Variants in ADAMTSL3 observed in about 807,000 individuals in gnomAD.
ADAMTSL3 encodes the protein ADAMTS like 3, also known as ADAMTS-like protein 3.
ADAMTSL3 carries 128 observed loss-of-function variants against 201.7 expected under a neutral mutation model. The observed-to-expected ratio is 0.63, with a 90% confidence interval of 0.55 to 0.73. The LOEUF is 0.73. Among genes scored for constraint, ADAMTSL3 ranks in the 30% least tolerant of loss-of-function variants. ADAMTSL3 has a pLI of 0.00. For missense variants in ADAMTSL3, 1,990 were observed against 2,119.6 expected (o/e 0.94, Z 1.20); for synonymous variants, 738 against 748.4 (o/e 0.99, Z 0.23).
In ADAMTSL3 at chr15:83,773,572, C is replaced by A; in HGVS notation, c.239C>A (p.Ala80Asp). The A allele has an allele frequency of 6.2e-7, 1 of 1,613,888 alleles. No homozygotes were observed. The highest frequency in any genetic ancestry group is 2.2e-5 in the East Asian group (1 of 44,870). ...SDEDKDGNWD[A>D]WGDWSDCSRT... ...GAAGACAAAGATGGCAACTGGGATG[C>A]TTGGGGCGACTGGAGTGACTGCTCC... Residue 80 changes from alanine to aspartate, a missense_variant, in exon 4 of 30, where the codon GCT (alanine) becomes GAT (aspartate). Ala to Asp is a moderately radical substitution (Grantham distance 126, BLOSUM62 -2). Coordinates refer to ENST00000286744, the MANE Select transcript of ADAMTSL3 (RefSeq NM_207517.3).
At chr15:83,885,580 G>A (rs1360499532) in intron 10 of ADAMTSL3, among the ~76,000 whole-genome samples, 2 of 152,102 alleles carry the variant, frequency 1.3e-5, no homozygotes, top group Non-Finnish European at 2.9e-5. Flanking sequence ...GGAGTGACTT[G>A]CCCAGCCTGG....
chr15:83,688,380 A>T (rs1596028288), intron 2 of ADAMTSL3, among the ~76,000 whole-genome samples: 1 of 152,256 alleles, frequency 6.6e-6, no homozygotes, highest in Admixed American at 6.5e-5. Context: ...AGCCGTTAAT[A>T]AAAACTGTCT....
chr15:83,693,463 G>A (rs1032053341), intron 2 of ADAMTSL3, among the ~76,000 whole-genome samples: 1 of 152,142 alleles, frequency 6.6e-6, no homozygotes, highest in African/African-American at 2.4e-5. Context: ...TACTGCCTTG[G>A]GTAGAGGCAG....
intron 15 of ADAMTSL3, among the ~76,000 whole-genome samples, chr15:83,912,613 C>G (rs2065953430): frequency 6.6e-6 from 1 of 152,164 alleles, no homozygotes; most frequent in Non-Finnish European, 1.5e-5. Context: ...TTCATCCACT[C>G]TGTAGAAAGT....
intron 3 of ADAMTSL3, among the ~76,000 whole-genome samples, chr15:83,733,701 A>C (rs2062321363): frequency 6.6e-6 from 1 of 151,950 alleles, no homozygotes; most frequent in Non-Finnish European, 1.5e-5. Context: ...AATGGTGCTG[A>C]TTAAATTTAC....
At chr15:83,709,081 G>A (rs986859905) in intron 3 of ADAMTSL3, among the ~76,000 whole-genome samples, 3 of 152,024 alleles carry the variant, frequency 2.0e-5, no homozygotes, top group African/African-American at 7.2e-5. Context: ...TAGAGCTTTG[G>A]GGATCTTAAT....
chr15:83,657,930 G>T (rs561844045), intron 2 of ADAMTSL3, among the ~76,000 whole-genome samples: 1 of 152,164 alleles, frequency 6.6e-6, no homozygotes, highest in Non-Finnish European at 1.5e-5. Flanking sequence ...ACTCAAGGCC[G>T]CCCTTTCTGA....
At chr15:83,951,323 G>T (rs1317160690) in intron 19 of ADAMTSL3, among the ~76,000 whole-genome samples, 1 of 152,080 alleles carries the variant, frequency 6.6e-6, no homozygotes, top group Admixed American at 6.5e-5. Flanking sequence ...TACATTGATT[G>T]ATTTGCATGT....
At chr15:83,778,931 A>C (rs537068758) in intron 4 of ADAMTSL3, among the ~76,000 whole-genome samples, 1 of 152,330 alleles carries the variant, frequency 6.6e-6, no homozygotes, top group South Asian at 2.1e-4. Flanking sequence ...AAATCTACCA[A>C]AAAAATGGAA....
chr15:83,854,627 C>T (rs908625372), intron 7 of ADAMTSL3, among the ~76,000 whole-genome samples: 2 of 152,198 alleles, frequency 1.3e-5, no homozygotes, highest in African/African-American at 4.8e-5. Flanking sequence ...CAGTCTTTCA[C>T]ACAATGGCTT....
At chr15:83,860,382 T>A (rs2064829631) in intron 8 of ADAMTSL3, among the ~76,000 whole-genome samples, 1 of 152,150 alleles carries the variant, frequency 6.6e-6, no homozygotes, top group Admixed American at 6.5e-5. Context: ...CATGTAGGGG[T>A]CCCTGAAGGC....
chr15:83,930,888 A>T (rs1480490758), intron 17 of ADAMTSL3, among the ~76,000 whole-genome samples: 1 of 152,214 alleles, frequency 6.6e-6, no homozygotes, highest in South Asian at 2.1e-4. Flanking sequence ...ATATTTACTG[A>T]CTCCAAGGGC....
Position 83,804,675 on chromosome 15 carries a change from T to A in ADAMTSL3, c.343T>A (p.Tyr115Asn). 1 of 1,587,812 alleles carries A rather than the reference T, an allele frequency of 6.3e-7. No homozygotes were observed. Among genetic ancestry groups the A allele is most frequent in the Non-Finnish European group, 8.6e-7 (1 of 1,168,480 alleles). ...GRNCEGQNIR[Y>N]KTCSNHDCPP... ...GAATTGTGAAGGGCAGAACATTCGG[T>A]ACAAGACATGCAGCAATCATGTAAG... The change falls in exon 5 of 30, where the codon TAC becomes AAC. Residue 115 changes from tyrosine to asparagine, a missense_variant. By Grantham distance (143) the Tyr-to-Asn change is moderately radical (BLOSUM62 -2). Transcript: ENST00000286744.
At chr15:83,822,814 A>G (rs1041934438) in intron 6 of ADAMTSL3, among the ~76,000 whole-genome samples, 19 of 151,688 alleles carry the variant, frequency 1.3e-4, no homozygotes, top group Non-Finnish European at 2.5e-4. Flanking sequence ...AGAGGCTGCA[A>G]TCTCGGCACT....
chr15:83,858,715 T>C (rs2064792884), intron 7 of ADAMTSL3, 51 bp from the exon 8 acceptor site: 1 of 1,413,828 alleles, frequency 7.1e-7, no homozygotes, highest in Non-Finnish European at 9.8e-7. Context: ...CTCATTTTCA[T>C]GGGCCTTTAG....
rs143133425 is a variant in ADAMTSL3, at chr15:83,655,826, C to G, written c.65C>G (p.Pro22Arg). ...ATGGTCTTCATGCACTCTCCCCTCCCGCAGGTAAGGTCATATAGGGAGGGG... is the reference window on the plus strand; with the variant it reads ...ATGGTCTTCATGCACTCTCCCCTCCGGCAGGTAAGGTCATATAGGGAGGGG... The part of the protein sequence containing the change: ...IGMVFMHSPL[P>R]QTTAEKSPGA... The change falls in exon 2 of 30, where the codon CCG becomes CGG. Residue 22 changes from proline (P) to arginine (R), a missense_variant. Physicochemically the swap from Pro to Arg is moderately radical, Grantham distance 103. Transcript: ENST00000286744. 5.6e-6 allele frequency: 9 copies of G among 1,613,750 alleles called. No individual in the cohort carries two copies. The highest frequency in any genetic ancestry group is 1.6e-4 in the Middle Eastern group (1 of 6,084).
At chr15:83,798,608 C>T (rs1479374487) in intron 4 of ADAMTSL3, among the ~76,000 whole-genome samples, 1 of 151,940 alleles carries the variant, frequency 6.6e-6, no homozygotes, top group Non-Finnish European at 1.5e-5. Context: ...GAGTTCAAGA[C>T]CAGCCTGACC....
intron 2 of ADAMTSL3, among the ~76,000 whole-genome samples, chr15:83,674,052 G>GTTTT (rs35560182): frequency 7.3e-6 from 1 of 136,668 alleles, no homozygotes; most frequent in Admixed American, 7.3e-5. Flanking sequence ...TTATTTTTAT[G>GTTTT]TTTTTTTTTT....
At chr15:83,774,348 T>G (rs1384071774) in intron 4 of ADAMTSL3, among the ~76,000 whole-genome samples, 1 of 152,260 alleles carries the variant, frequency 6.6e-6, no homozygotes, top group East Asian at 1.9e-4. Flanking sequence ...TAAATTGGCC[T>G]TTGCCGATTA....
Sources: allele counts gnomAD v4.1 joint callset (sites outside exome capture counted in the v4.1 genomes callset), GRCh38; gene constraint gnomAD v4.1.1; transcripts MANE v1.5; gene names NCBI Gene and HGNC (gene_info 2026-07-23, HGNC 2026-07-21).